Variants in AK9 observed in about 807,000 individuals in gnomAD.
AK9 encodes adenylate kinase domain containing 1.
A neutral mutation model predicts 239.6 loss-of-function variants in AK9; 191 were observed. That is an observed-to-expected ratio of 0.80 (90% CI 0.71 to 0.90). AK9 has a LOEUF of 0.90. Among genes scored for constraint, AK9 ranks in the 40% least tolerant of loss-of-function variants. AK9 has a pLI of 0.00. For synonymous variants in AK9, 689 were observed against 721.0 expected (o/e 0.96, Z 0.71); for missense variants, 1,995 against 2,214.7 (o/e 0.90, Z 1.99).
At chr6:109,598,568 T>C (rs1265285225) in intron 17 of AK9, among the ~76,000 whole-genome samples, 1 of 152,226 alleles carries the variant, frequency 6.6e-6, no homozygotes. Flanking sequence ...GCATGATTTA[T>C]AATCCTCTGG....
intron 10 of AK9, among the ~76,000 whole-genome samples, chr6:109,639,363 A>T (rs1183843278): frequency 6.6e-6 from 1 of 152,194 alleles, no homozygotes; most frequent in Non-Finnish European, 1.5e-5. Flanking sequence ...GTGAGATGGT[A>T]TCTCATTGTG....
chr6:109,633,019 A>G lies in AK9; in HGVS notation c.1158T>C (p.Pro386=), dbSNP rs1418631933. The change falls in exon 12 of 41, where the codon CCT becomes CCC. Residue 386 remains proline (P), a synonymous_variant. Transcript: ENST00000424296. ...LLNPRPYLLP[P]MPGPPCKVFI... is the part of the protein sequence containing the mutation. ...ATACTTTACATGGTGGTCCTGGCAT[A>G]GGTGGAAGCAGATAGGGACGTGGGT... The G allele has an allele frequency of 1.3e-6, 2 of 1,599,748 alleles. No individual in the cohort carries two copies. The highest frequency in any genetic ancestry group is 1.7e-6 in the Non-Finnish European group (2 of 1,175,522).
intron 32 of AK9, among the ~76,000 whole-genome samples, chr6:109,513,233 A>G (rs527500090): frequency 6.6e-6 from 1 of 152,280 alleles, no homozygotes; most frequent in Admixed American, 6.5e-5. Context: ...ATAATTATGA[A>G]TATTAGTTTG....
At chr6:109,678,966 C>T (rs532191741) in intron 1 of AK9, among the ~76,000 whole-genome samples, 1 of 152,306 alleles carries the variant, frequency 6.6e-6, no homozygotes, top group Admixed American at 6.5e-5. Flanking sequence ...AACCCGCAGA[C>T]CAGGAGATTC....
Position 109,569,152 on chromosome 6 carries a change from C to A in AK9, c.2344+4290G>T, listed in dbSNP as rs566062662. On this transcript the variant is annotated intron_variant, in intron 21 of 40. Transcript: ENST00000424296. ...ACATCTACAACCATCTGATCTTTGA[C>A]AAACCTGACAAAAACAAGAAATGGG... Among the ~76,000 whole-genome samples, 25 of 152,234 alleles carry A rather than the reference C, an allele frequency of 1.6e-4. No individual in the cohort carries two copies. The East Asian group carries it at 3.9e-3, about 24-fold the overall frequency.
At chr6:109,542,786 T>C (rs1411079249) in intron 26 of AK9, among the ~76,000 whole-genome samples, 2 of 152,296 alleles carry the variant, frequency 1.3e-5, no homozygotes, top group East Asian at 3.9e-4. Context: ...ACAAAAGTAA[T>C]TGCGGTTTTT....
intron 36 of AK9, 98 bp downstream of exon 36, chr6:109,498,946 G>T: frequency 3.7e-6 from 4 of 1,081,574 alleles, no homozygotes; most frequent in Non-Finnish European, 5.0e-6. Flanking sequence ...GGGGCTCCTA[G>T]TCCCAAGTTT....
chr6:109,659,299 T>C lies in AK9; in HGVS notation c.559A>G (p.Lys187Glu), dbSNP rs1800108328. Residue 187 changes from lysine (K) to glutamate (E), a missense_variant, in exon 7 of 41, where the codon AAG becomes GAG. Around this residue, in one of 5 missense-constraint regions of AK9, gnomAD observed 252 missense variants for 246.4 expected, o/e 1.02. Transcript: ENST00000424296. The part of the protein sequence containing the change: ...DPEVIENHRK[K>E]KKEAQKDGKG... ...CCGTCCTTTTGGGCTTCTTTCTTCTTTTTCCTATGATTCTCAATGACTTCA... is the reference window on the plus strand; with the variant it reads ...CCGTCCTTTTGGGCTTCTTTCTTCTCTTTCCTATGATTCTCAATGACTTCA... 1 of 1,607,196 alleles carries C rather than the reference T, an allele frequency of 6.2e-7. No homozygotes were observed. The highest frequency in any genetic ancestry group is 8.5e-7 in the Non-Finnish European group (1 of 1,178,336).
At chr6:109,563,250 C>A (rs1217718083) in intron 24 of AK9, among the ~76,000 whole-genome samples, 1 of 152,056 alleles carries the variant, frequency 6.6e-6, no homozygotes, top group Non-Finnish European at 1.5e-5. Context: ...GTGGATGGGG[C>A]CTGAATATGG....
chr6:109,572,598 T>C (rs1258249430), intron 21 of AK9, among the ~76,000 whole-genome samples: 5 of 152,180 alleles, frequency 3.3e-5, no homozygotes, highest in Non-Finnish European at 5.9e-5. Flanking sequence ...AATATACTTG[T>C]CAGAATGAAA....
At chr6:109,551,465 G>A (rs57533540) in intron 24 of AK9, among the ~76,000 whole-genome samples, 5,323 of 149,502 alleles carry the variant, frequency 0.036, 319 homozygotes, top group African/African-American at 0.13. Flanking sequence ...GCTGCAGTGA[G>A]CCGAGATGGC....
At chr6:109,597,369 A>T (rs935066845) in intron 17 of AK9, among the ~76,000 whole-genome samples, 11 of 152,000 alleles carry the variant, frequency 7.2e-5, no homozygotes, top group South Asian at 2.1e-4. Context: ...AACGTTAAAA[A>T]TTTTCTTTAA....
chr6:109,509,976 C>T (rs979310505), intron 32 of AK9, among the ~76,000 whole-genome samples: 1 of 152,152 alleles, frequency 6.6e-6, no homozygotes, highest in African/African-American at 2.4e-5. Context: ...CCTCTCTCTG[C>T]TCCTGGCCCT....
intron 17 of AK9, among the ~76,000 whole-genome samples, chr6:109,594,414 T>C (rs972791396): frequency 6.6e-6 from 1 of 152,144 alleles, no homozygotes; most frequent in Non-Finnish European, 1.5e-5. Context: ...GAAGAATCAA[T>C]ATCATGAAAA....
At chr6:109,597,395 G>A (rs774048741) in intron 17 of AK9, among the ~76,000 whole-genome samples, 9 of 151,696 alleles carry the variant, frequency 5.9e-5, no homozygotes, top group Admixed American at 2.6e-4. Context: ...TTTTTTTGCC[G>A]GGCGCGGTGG....
intron 17 of AK9, among the ~76,000 whole-genome samples, chr6:109,593,912 C>A (rs1269611306): frequency 6.6e-6 from 1 of 152,054 alleles, no homozygotes; most frequent in East Asian, 1.9e-4. Flanking sequence ...AATATCATAC[C>A]AAATGGGCAA....
intron 24 of AK9, among the ~76,000 whole-genome samples, chr6:109,561,218 C>T (rs1583011900): frequency 6.6e-6 from 1 of 152,172 alleles, no homozygotes; most frequent in African/African-American, 2.4e-5. Flanking sequence ...TCCCAAAGTG[C>T]TGGGATTACA....
In AK9 at chr6:109,542,017, A is replaced by T; in HGVS notation, c.3350+30T>A. ...AAGAATAAAACAAATAAAAGCAAAT[A>T]AATGTACAATTCTATATAAATTAAG... On this transcript the variant is annotated intron_variant, in intron 27 of 40. Transcript: ENST00000424296. 5 of 1,487,592 alleles carry T rather than the reference A, an allele frequency of 3.4e-6. No homozygotes were observed. In the Middle Eastern group the frequency reaches 8.9e-4, roughly 264 times the overall value. The allele number at this position is 1,487,592 out of a possible 1,614,324, so 92.1% of individuals were successfully genotyped here.
In AK9 at chr6:109,603,138, G is replaced by A. The variant is rs1270320663; in HGVS notation, c.1842+7227C>T. Among the ~76,000 whole-genome samples the A allele has an allele frequency of 1.3e-5, 2 of 152,222 alleles. 1 individual carries two copies. The highest frequency in any genetic ancestry group is 4.8e-5 in the African/African-American group (2 of 41,454). ...AAGGAGCTGCATCCCTTTGGAGGGG[G>A]AGAGGCACTCTGATTTTTAGAATTT... On this transcript the variant is annotated intron_variant, in intron 17 of 40. Transcript: ENST00000424296.
Sources: allele counts gnomAD v4.1 joint callset (sites outside exome capture counted in the v4.1 genomes callset), GRCh38; gene constraint gnomAD v4.1.1; regional missense constraint gnomAD v4.1.1; transcripts MANE v1.5; gene names NCBI Gene and HGNC (gene_info 2026-07-23, HGNC 2026-07-21).